Variants in CNOT2 observed in about 807,000 individuals in gnomAD.
The protein encoded by CNOT2 is CCR4-NOT transcription complex subunit 2, also known as CC chemokine receptor 4-negative regulator of transcription 2.
In CNOT2, 7 loss-of-function variants were observed where a neutral mutation model predicts 72.1. The ratio of observed to expected loss-of-function variants is 0.10; its 90% CI spans 0.06 to 0.18. The LOEUF (loss-of-function observed/expected upper bound fraction) is 0.18, where lower values mean the gene tolerates loss of function less well. Ranked by LOEUF, CNOT2 falls within the 10% of genes least tolerant of loss-of-function variation. The pLI is 1.00. For synonymous variants in CNOT2, 196 were observed against 225.6 expected (o/e 0.87, Z 1.17); for missense variants, 345 against 660.3 (o/e 0.52, Z 5.23).
chr12:70,331,890 T>C lies in CNOT2; in HGVS notation c.570-877T>C, dbSNP rs188710189. ...AGAAGAATATATGACATTAAAGACATGTGGTTTCACTATAGAATCTGCATT... is the reference window on the plus strand; with the variant it reads ...AGAAGAATATATGACATTAAAGACACGTGGTTTCACTATAGAATCTGCATT... On this transcript the variant is annotated intron_variant, in intron 6 of 15. Transcript: ENST00000229195. Among the ~76,000 whole-genome samples, 293 of 151,888 alleles carry C rather than the reference T, an allele frequency of 1.9e-3. 1 individual carries two copies. The South Asian group carries it at 0.022, about 11-fold the overall frequency.
At chr12:70,312,624 A>T (rs970347699) in intron 3 of CNOT2, among the ~76,000 whole-genome samples, 7 of 151,958 alleles carry the variant, frequency 4.6e-5, no homozygotes, top group African/African-American at 1.7e-4. Flanking sequence ...TGATTCACAA[A>T]ACCTTTTTTA....
At chr12:70,283,360 T>G (rs1174351545) in intron 2 of CNOT2, among the ~76,000 whole-genome samples, 1 of 152,136 alleles carries the variant, frequency 6.6e-6, no homozygotes, top group Admixed American at 6.6e-5. Context: ...CTGGAGAGGC[T>G]GAGGCGGGAG....
At chr12:70,290,855 G>A (rs1871769123) in intron 2 of CNOT2, 1 of 152,066 alleles carries the variant, frequency 6.6e-6, no homozygotes, top group Non-Finnish European at 1.5e-5. Flanking sequence ...TTTTGGTTGA[G>A]AAGATGAATG....
rs146378611 is a variant in CNOT2, at chr12:70,280,160, A to C, written c.48+1886A>C. Reference sequence around the variant, plus strand: ...TTTTTATATTCTTAATATATTCATCATAATACCAAACAGGAAATTTTGTTT... The same window carrying C: ...TTTTTATATTCTTAATATATTCATCCTAATACCAAACAGGAAATTTTGTTT... On this transcript the variant is annotated intron_variant, in intron 2 of 15. Transcript: ENST00000229195. 3.3e-5 allele frequency among the ~76,000 whole-genome samples: 5 copies of C among 152,316 alleles called. No homozygotes were observed. The East Asian group carries it at 9.6e-4, about 29-fold the overall frequency.
intron 1 of CNOT2, among the ~76,000 whole-genome samples, chr12:70,262,837 C>G (rs1958845263): frequency 1.3e-5 from 2 of 152,024 alleles, no homozygotes; most frequent in African/African-American, 4.8e-5. Flanking sequence ...CCACACCTGG[C>G]TATTTTTGTA....
Position 70,332,094 on chromosome 12 carries a change from T to A in CNOT2, c.570-673T>A, listed in dbSNP as rs183239432. Among the ~76,000 whole-genome samples the A allele has an allele frequency of 9.0e-4, 136 of 151,928 alleles. 1 individual carries two copies. Among genetic ancestry groups the A allele is most frequent in the African/African-American group, 3.0e-3 (126 of 41,518 alleles). Reference sequence around the variant, plus strand: ...GGGACACCATAGACTGTGTTTTCTTTTAAGTATATGAAAGGTAAACTATAT... The same window carrying A: ...GGGACACCATAGACTGTGTTTTCTTATAAGTATATGAAAGGTAAACTATAT... On this transcript the variant is annotated intron_variant, in intron 6 of 15. Coordinates refer to ENST00000229195, the MANE Select transcript of CNOT2 (RefSeq NM_014515.7).
intron 1 of CNOT2, among the ~76,000 whole-genome samples, chr12:70,267,984 A>T (rs888794013): frequency 3.3e-5 from 5 of 152,232 alleles, no homozygotes; most frequent in Non-Finnish European, 4.4e-5. Context: ...GGCCCTTTAC[A>T]AAGTATTTAC....
intron 12 of CNOT2, 31 bp from the exon 13 acceptor site, chr12:70,342,227 T>C: frequency 6.2e-7 from 1 of 1,613,280 alleles, no homozygotes; most frequent in Non-Finnish European, 8.5e-7. Context: ...TGAGAATCAG[T>C]TAATAAGGCT....
At chr12:70,305,044 A>G (rs1874987551) in intron 2 of CNOT2, among the ~76,000 whole-genome samples, 1 of 152,116 alleles carries the variant, frequency 6.6e-6, no homozygotes, top group Non-Finnish European at 1.5e-5. Flanking sequence ...GGTGGGAGTG[A>G]CCCGATTTTC....
rs909609208 is a variant in CNOT2, at chr12:70,273,394, A to G, written c.-95-4738A>G. On this transcript the variant is annotated intron_variant, in intron 1 of 15. Coordinates refer to ENST00000229195, the MANE Select transcript of CNOT2 (RefSeq NM_014515.7). The stretch of plus-strand genomic sequence containing the variant: ...ACTTATTCCAGTTAACTTTCAAGAT[A>G]TCTACCATACTCTCTTTGGTTTTCA... 6.6e-5 allele frequency among the ~76,000 whole-genome samples: 10 copies of G among 152,258 alleles called. No individual in the cohort carries two copies. The East Asian group carries it at 1.9e-3, about 29-fold the overall frequency.
intron 11 of CNOT2, among the ~76,000 whole-genome samples, chr12:70,341,593 A>G (rs957887418): frequency 8.5e-5 from 13 of 152,112 alleles, no homozygotes; most frequent in African/African-American, 3.1e-4. Context: ...AGTAAGTTTC[A>G]TGTTGTCAGT....
At chr12:70,277,547 T>C (rs939315227) in intron 1 of CNOT2, among the ~76,000 whole-genome samples, 1 of 152,130 alleles carries the variant, frequency 6.6e-6, no homozygotes, top group East Asian at 1.9e-4. Context: ...GAAGTTGACA[T>C]TTTTTGCTCT....
intron 8 of CNOT2, 150 bp downstream of exon 8, chr12:70,335,713 A>G (rs921420609): frequency 1.9e-6 from 1 of 517,950 alleles, no homozygotes; most frequent in Non-Finnish European, 3.3e-6. Context: ...TTCAGAATTG[A>G]TATATTAGAA....
At chr12:70,303,306 T>C (rs1179055529) in intron 2 of CNOT2, among the ~76,000 whole-genome samples, 5 of 152,238 alleles carry the variant, frequency 3.3e-5, no homozygotes, top group Non-Finnish European at 7.3e-5. Context: ...AGTTTCTTCC[T>C]AGCCTTGATG....
chr12:70,343,077 A>G (rs1214614653), intron 13 of CNOT2, among the ~76,000 whole-genome samples: 2 of 152,148 alleles, frequency 1.3e-5, no homozygotes, highest in Admixed American at 1.3e-4. Flanking sequence ...AAGGCAAGAA[A>G]TACAAGATGG....
intron 2 of CNOT2, among the ~76,000 whole-genome samples, chr12:70,292,196 G>A (rs1042875360): frequency 2.6e-5 from 4 of 152,144 alleles, no homozygotes; most frequent in Non-Finnish European, 5.9e-5. Context: ...CACATATGAT[G>A]CACTTGAGAA....
At chr12:70,297,323 T>C (rs1356587914) in intron 2 of CNOT2, among the ~76,000 whole-genome samples, 5 of 152,158 alleles carry the variant, frequency 3.3e-5, no homozygotes, top group Admixed American at 6.5e-5. Context: ...CTTCATCTTG[T>C]ATAATGCAAG....
rs139224012 is a variant in CNOT2 at position 70,254,573 on chromosome 12, G to T, written c.-96+11093G>T. Among the ~76,000 whole-genome samples the T allele has an allele frequency of 4.3e-3, 660 of 152,278 alleles. 6 individuals carry two copies. The highest frequency in any genetic ancestry group is 0.015 in the African/African-American group (623 of 41,550). Reference sequence around the variant, plus strand: ...TGAAGAAGAAGAAACCGCGGATAAGGGGAGAACTACTGTAGTTTCTTAAGT... The same window carrying T: ...TGAAGAAGAAGAAACCGCGGATAAGTGGAGAACTACTGTAGTTTCTTAAGT... On this transcript the variant is annotated intron_variant, in intron 1 of 15. Coordinates refer to ENST00000229195, the MANE Select transcript of CNOT2 (RefSeq NM_014515.7).
intron 1 of CNOT2, among the ~76,000 whole-genome samples, chr12:70,262,296 C>T (rs1379442279): frequency 1.3e-5 from 2 of 152,048 alleles, no homozygotes; most frequent in African/African-American, 2.4e-5. Flanking sequence ...TTGTTTGAGA[C>T]GGAGTCTCGC....
Sources: gnomAD v4.1 joint callset for allele counts (sites outside exome capture counted in the v4.1 genomes callset) on GRCh38, gnomAD v4.1.1 for gene constraint, MANE v1.5 for transcripts, NCBI Gene and HGNC (gene_info 2026-07-23, HGNC 2026-07-21) for gene names.